ZNF106: variants seen among roughly 807,000 people sequenced by gnomAD.
The protein encoded by ZNF106 is zinc finger protein 106, also known as SH3-domain binding protein 3.
ZNF106 carries 67 observed loss-of-function variants against 195.1 expected under a neutral mutation model. The ratio of observed to expected loss-of-function variants is 0.34; its 90% CI spans 0.28 to 0.42. The LOEUF is 0.42. Among genes scored for constraint, ZNF106 ranks in the 10% least tolerant of loss-of-function variants. The pLI, the probability that ZNF106 is intolerant of heterozygous loss-of-function variation, is 1.00. For missense variants in ZNF106, 2,118 were observed against 2,304.5 expected (o/e 0.92, Z 1.66); for synonymous variants, 784 against 818.6 (o/e 0.96, Z 0.72).
Position 42,481,470 on chromosome 15 carries a change from G to A in ZNF106, c.-32-9149C>T, listed in dbSNP as rs1374482454. On this transcript the variant is annotated intron_variant, in intron 1 of 21. Coordinates refer to ENST00000564754, the MANE Select transcript of ZNF106 (RefSeq NM_001366845.3). ...CCTCCTGGGTTCAAGCGATTCTCCCGCTTCAGCCTCCCAAGTACCTGGGAT... is the reference window on the plus strand; with the variant it reads ...CCTCCTGGGTTCAAGCGATTCTCCCACTTCAGCCTCCCAAGTACCTGGGAT... Among the ~76,000 whole-genome samples, 4 of 146,998 alleles carry A rather than the reference G, an allele frequency of 2.7e-5. No individual in the cohort carries two copies. In the Admixed American group the frequency reaches 2.8e-4, roughly 10 times the overall value.
Position 42,436,673 on chromosome 15 carries a change from G to T in ZNF106, c.4746+559C>A, listed in dbSNP as rs575322008. Among the ~76,000 whole-genome samples, 10 of 152,284 alleles carry T rather than the reference G, an allele frequency of 6.6e-5. 1 individual carries two copies. In the South Asian group the frequency reaches 2.1e-3, roughly 32 times the overall value. ...ATTCTTTTGAGAGTAATAAGCATCA[G>T]ATAATACTAAGTGTGAGGCAGTGGA... On this transcript the variant is annotated intron_variant, in intron 13 of 21. Coordinates refer to ENST00000564754, the MANE Select transcript of ZNF106 (RefSeq NM_001366845.3).
chr15:42,435,548 C>T, intron 13 of ZNF106, 30 bp from the exon 14 acceptor site: 2 of 1,613,562 alleles, frequency 1.2e-6, no homozygotes, highest in Non-Finnish European at 1.7e-6. Flanking sequence ...CAGATTATTA[C>T]TTATGAGATA....
At chr15:42,423,584 C>T (rs1255412629) in intron 17 of ZNF106, among the ~76,000 whole-genome samples, 1 of 152,090 alleles carries the variant, frequency 6.6e-6, no homozygotes, top group Non-Finnish European at 1.5e-5. Flanking sequence ...CACTATTTTG[C>T]CTAGGCTGGT....
At chr15:42,429,227 T>G (rs922811930) in intron 14 of ZNF106, among the ~76,000 whole-genome samples, 1 of 150,902 alleles carries the variant, frequency 6.6e-6, no homozygotes, top group East Asian at 2.0e-4. Flanking sequence ...AATCACGAGG[T>G]CAGGAGATTG....
rs1176588275 is a variant in ZNF106, at chr15:42,413,429, G to C, written c.*3875C>G. ...TCTAGAAGCTCCCGTTTAGGTAACAGAAACAAAATTTAGATGTAAGCATAA... is the reference window on the plus strand; with the variant it reads ...TCTAGAAGCTCCCGTTTAGGTAACACAAACAAAATTTAGATGTAAGCATAA... On this transcript the variant is annotated 3_prime_UTR_variant, in exon 22 of 22. Coordinates refer to ENST00000564754, the MANE Select transcript of ZNF106 (RefSeq NM_001366845.3). The C allele has an allele frequency of 6.6e-6, 1 of 152,414 alleles. No homozygotes were observed. The highest frequency in any genetic ancestry group is 1.5e-5 in the Non-Finnish European group (1 of 68,040). The allele number at this position is 152,414 out of a possible 1,614,324, so 9.4% of individuals were successfully genotyped here. A position where few individuals can be genotyped will look rare whatever the true frequency, so the allele number is the denominator to read the frequency against.
intron 3 of ZNF106, among the ~76,000 whole-genome samples, chr15:42,462,467 G>A (rs769606453): frequency 1.2e-4 from 18 of 152,036 alleles, no homozygotes; most frequent in Non-Finnish European, 2.4e-4. Context: ...GCATGGTTGC[G>A]CGTGCCTGTA....
At chr15:42,430,514 G>A (rs184799564) in intron 14 of ZNF106, among the ~76,000 whole-genome samples, 23 of 152,106 alleles carry the variant, frequency 1.5e-4, no homozygotes, top group South Asian at 6.2e-4. Context: ...CGAGTAGCTG[G>A]AACTACAGGC....
At chr15:42,445,904 C>T (rs1393531766) in intron 7 of ZNF106, among the ~76,000 whole-genome samples, 2 of 152,182 alleles carry the variant, frequency 1.3e-5, no homozygotes, top group Non-Finnish European at 2.9e-5. Flanking sequence ...TAACTTCTTT[C>T]CATAATTCAC....
At chr15:42,436,036 C>T (rs553783298) in intron 13 of ZNF106, among the ~76,000 whole-genome samples, 1 of 151,744 alleles carries the variant, frequency 6.6e-6, no homozygotes, top group South Asian at 2.1e-4. Flanking sequence ...TCACTGCAAG[C>T]TCTGCCTCCT....
rs919563669 is a variant in ZNF106 at position 42,413,898 on chromosome 15, C to G, written c.*3406G>C. On this transcript the variant is annotated 3_prime_UTR_variant, in exon 22 of 22. Coordinates refer to ENST00000564754, the MANE Select transcript of ZNF106 (RefSeq NM_001366845.3). The stretch of plus-strand genomic sequence containing the variant: ...AACTGCTTTATAAACTGAGTAGAGA[C>G]GTATGCCAAAATTATTTTTAACCTA... 6.6e-6 allele frequency: 1 copy of G among 152,128 alleles called. No individual in the cohort carries two copies. The highest frequency in any genetic ancestry group is 2.4e-5 in the African/African-American group (1 of 41,420). 9.4% of individuals were successfully genotyped at this position (152,128 alleles called of 1,614,324 possible).
Position 42,448,314 on chromosome 15 carries a change from A to G in ZNF106, c.2893T>C (p.Ser965Pro), listed in dbSNP as rs773638475. 3.5e-5 allele frequency: 56 copies of G among 1,614,102 alleles called. No homozygotes were observed. Among genetic ancestry groups the G allele is most frequent in the Non-Finnish European group, 4.2e-5 (50 of 1,180,046 alleles). The change falls in exon 6 of 22, where the codon TCT (serine) becomes CCT (proline). Residue 965 changes from serine to proline, a missense_variant. By Grantham distance (74) the Ser-to-Pro change is moderately conservative. Coordinates refer to ENST00000564754, the MANE Select transcript of ZNF106 (RefSeq NM_001366845.3). ...TGCATCAAAGGTATTATATGGTCAGAGGATAATTGTGCACTATGTCGCCTT... is the reference window on the plus strand; with the variant it reads ...TGCATCAAAGGTATTATATGGTCAGGGGATAATTGTGCACTATGTCGCCTT... Reference protein sequence around the residue: ...TQRRHSAQLSSDHIIPLMHLA... With the variant: ...TQRRHSAQLSPDHIIPLMHLA...
intron 20 of ZNF106, among the ~76,000 whole-genome samples, chr15:42,418,558 T>TTTTTTTTTTTTTTTA: frequency 7.1e-6 from 1 of 141,266 alleles, no homozygotes; most frequent in African/African-American, 2.7e-5. Flanking sequence ...TTTTTTTTTT[T>TTTTTTTTTTTTTTTA]AGTAAAGACA....
rs1003500595 is a variant in ZNF106 at position 42,438,929 on chromosome 15, TAA to T, written c.4544+102_4544+103del. The stretch of plus-strand genomic sequence containing the variant: ...ATCCACAATCTCTACTGCATTCACA[TAA>T]AGTTTGGTTTTTAAAGAAATTCTGA... On this transcript the variant is annotated intron_variant, in intron 11 of 21. Coordinates refer to ENST00000564754, the MANE Select transcript of ZNF106 (RefSeq NM_001366845.3). 3 of 1,353,094 alleles carry T rather than the reference TAA, an allele frequency of 2.2e-6. No individual in the cohort carries two copies. In the African/African-American group the frequency reaches 4.4e-5, roughly 20 times the overall value. The allele number at this position is 1,353,094 out of a possible 1,614,324, so 83.8% of individuals were successfully genotyped here. A position where few individuals can be genotyped will look rare whatever the true frequency, so the allele number is the denominator to read the frequency against.
chr15:42,457,490 G>A (rs185286244), intron 3 of ZNF106: 20 of 1,177,620 alleles, frequency 1.7e-5, no homozygotes, highest in Non-Finnish European at 2.1e-5. Flanking sequence ...CTCAGAGCAA[G>A]CAGAAGTTGC....
At chr15:42,490,801 G>T (rs2057143535) in intron 1 of ZNF106, among the ~76,000 whole-genome samples, 179 bp downstream of exon 1, 2 of 152,138 alleles carry the variant, frequency 1.3e-5, no homozygotes, top group Non-Finnish European at 2.9e-5. Flanking sequence ...CAGCAGCACC[G>T]CCTGCCCATA....
At chr15:42,481,362 T>TTG (rs1555431967) in intron 1 of ZNF106, among the ~76,000 whole-genome samples, 4 of 141,204 alleles carry the variant, frequency 2.8e-5, no homozygotes, top group African/African-American at 1.1e-4. Context: ...TTGTTGTTTT[T>TTG]TTTTTTTTTT....
At chr15:42,439,919 G>A in intron 10 of ZNF106, 106 bp from the exon 11 acceptor site, 1 of 1,216,488 alleles carries the variant, frequency 8.2e-7, no homozygotes, top group Non-Finnish European at 1.1e-6. Context: ...AGAAAACCAT[G>A]ACTGTTTCAG....
chr15:42,452,203 C>G (rs1355211068), intron 4 of ZNF106, among the ~76,000 whole-genome samples: 1 of 152,010 alleles, frequency 6.6e-6, no homozygotes, highest in Non-Finnish European at 1.5e-5. Context: ...ACAACCATCT[C>G]CCCCATCACT....
intron 1 of ZNF106, among the ~76,000 whole-genome samples, chr15:42,479,612 C>T (rs1461221532): frequency 4.6e-5 from 7 of 151,422 alleles, no homozygotes; most frequent in Non-Finnish European, 8.8e-5. Context: ...GAGGCCAAGG[C>T]GGGCAGATCA....
Sources: allele counts gnomAD v4.1 joint callset (sites outside exome capture counted in the v4.1 genomes callset), GRCh38; gene constraint gnomAD v4.1.1; transcripts MANE v1.5; gene names NCBI Gene and HGNC (gene_info 2026-07-23, HGNC 2026-07-21).